The following PMM1 variants were observed in gnomAD, a reference collection of about 807,000 sequenced individuals.
PMM1 encodes the protein brain glucose-1,6-bisphosphatase.
PMM1 carries 25 observed loss-of-function variants against 34.0 expected under a neutral mutation model. That is an observed-to-expected ratio of 0.73 (90% CI 0.54 to 1.03). PMM1 has a LOEUF of 1.03. Ranked by LOEUF, PMM1 falls within the 50% of genes least tolerant of loss-of-function variation. The pLI is 0.00. For synonymous variants in PMM1, 134 were observed against 143.9 expected (o/e 0.93, Z 0.49); for missense variants, 321 against 350.1 (o/e 0.92, Z 0.66).
Position 41,576,948 on chromosome 22 carries a change from C to G in PMM1, c.*370G>C, listed in dbSNP as rs1318411644. ...GTGACAAAGTTCTCTAAAATAGGCA[C>G]CTTCCCCACCGTACCTCATCGCCCA... On this transcript the variant is annotated 3_prime_UTR_variant, in exon 8 of 8. Coordinates refer to ENST00000216259, the MANE Select transcript of PMM1 (RefSeq NM_002676.3). 1 of 341,428 alleles carries G rather than the reference C, an allele frequency of 2.9e-6. No individual in the cohort carries two copies. Among genetic ancestry groups the G allele is most frequent in the Non-Finnish European group, 5.6e-6 (1 of 177,074 alleles). The allele number at this position is 341,428 out of a possible 1,614,324, so 21.1% of individuals were successfully genotyped here. A position where few individuals can be genotyped will look rare whatever the true frequency, so the allele number is the denominator to read the frequency against.
At chr22:41,588,877 A>G (rs950647643) in intron 1 of PMM1, 1 of 981,518 alleles carries the variant, frequency 1.0e-6, no homozygotes, top group African/African-American at 1.7e-5. Flanking sequence ...AGGCCCCCAG[A>G]CTGGAGGGTG....
Position 41,577,208 on chromosome 22 carries a change from C to T in PMM1, c.*110G>A. 6.8e-7 allele frequency: 1 copy of T among 1,467,924 alleles called. No individual in the cohort carries two copies. The highest frequency in any genetic ancestry group is 9.4e-7 in the Non-Finnish European group (1 of 1,062,038). The allele number at this position is 1,467,924 out of a possible 1,614,324, so 90.9% of individuals were successfully genotyped here. ...TGGCCCCATCTGGGTGGGCTTGCAG[C>T]AGGCGTCCTGGGCCAGAGGAGGGGC... On this transcript the variant is annotated 3_prime_UTR_variant, in exon 8 of 8. Coordinates refer to ENST00000216259, the MANE Select transcript of PMM1 (RefSeq NM_002676.3).
chr22:41,584,564 G>T lies in PMM1; in HGVS notation c.245C>A (p.Thr82Lys). 6.2e-7 allele frequency: 1 copy of T among 1,613,888 alleles called. No individual in the cohort carries two copies. Among genetic ancestry groups the T allele is most frequent in the Non-Finnish European group, 8.5e-7 (1 of 1,179,878 alleles). Residue 82 changes from threonine (T) to lysine (K), a missense_variant, in exon 3 of 8, where the codon ACG becomes AAG. Coordinates refer to ENST00000216259, the MANE Select transcript of PMM1 (RefSeq NM_002676.3). ...KFDYVFAENG[T>K]VQYKHGRLLS... ...CAGTCGTCCGTGCTTATACTGCACCGTCCCGTTCTCGGCAAACACATAATC... is the reference window on the plus strand; with the variant it reads ...CAGTCGTCCGTGCTTATACTGCACCTTCCCGTTCTCGGCAAACACATAATC...
intron 2 of PMM1, 125 bp from the exon 3 acceptor site, chr22:41,584,728 C>A (rs2067288706): frequency 1.5e-6 from 1 of 668,260 alleles, no homozygotes. Flanking sequence ...TTTGTTCAAT[C>A]TGAGGCTACA....
chr22:41,587,813 C>T (rs1003662160), intron 1 of PMM1, among the ~76,000 whole-genome samples: 7 of 152,178 alleles, frequency 4.6e-5, no homozygotes, highest in African/African-American at 1.7e-4. Context: ...TCCCCAAGTG[C>T]GGTCAGAGTG....
chr22:41,584,442 C>T, intron 3 of PMM1, 70 bp from the exon 4 acceptor site: 1 of 1,566,666 alleles, frequency 6.4e-7, no homozygotes, highest in Non-Finnish European at 8.8e-7. Context: ...CAGTGTCTCT[C>T]CCCCAGCCCA....
chr22:41,583,245 C>T (rs755442471), intron 5 of PMM1, among the ~76,000 whole-genome samples: 1 of 151,978 alleles, frequency 6.6e-6, no homozygotes, highest in African/African-American at 2.4e-5. Context: ...TTTGGGAGGC[C>T]GAGGCAGGCG....
Position 41,576,953 on chromosome 22 carries a change from C to T in PMM1, c.*365G>A. ...AAAGTTCTCTAAAATAGGCACCTTC[C>T]CCACCGTACCTCATCGCCCAGGGCA... On this transcript the variant is annotated 3_prime_UTR_variant, in exon 8 of 8. Transcript: ENST00000216259. 2.9e-6 allele frequency: 1 copy of T among 345,014 alleles called. No individual in the cohort carries two copies. The highest frequency in any genetic ancestry group is 5.6e-6 in the Non-Finnish European group (1 of 179,380). The allele number at this position is 345,014 out of a possible 1,614,324, so 21.4% of individuals were successfully genotyped here.
chr22:41,587,812 G>A (rs899965374), intron 1 of PMM1, among the ~76,000 whole-genome samples: 1 of 152,198 alleles, frequency 6.6e-6, no homozygotes, highest in Non-Finnish European at 1.5e-5. Context: ...CTCCCCAAGT[G>A]CGGTCAGAGT....
intron 3 of PMM1, 54 bp from the exon 4 acceptor site, chr22:41,584,426 C>T: frequency 6.3e-7 from 1 of 1,584,066 alleles, no homozygotes; most frequent in Non-Finnish European, 8.7e-7. Context: ...GACCCTGAGA[C>T]AGGCACAGTG....
At chr22:41,589,368 G>C in intron 1 of PMM1, 2 of 449,332 alleles carry the variant, frequency 4.5e-6, no homozygotes, top group Admixed American at 6.7e-5. Flanking sequence ...ACTAGGGTGG[G>C]ATCCCCAGCT....
rs1253128705 is a variant in PMM1, at chr22:41,576,958, C to T, written c.*360G>A. The T allele has an allele frequency of 1.4e-5, 5 of 359,098 alleles. No homozygotes were observed. Among genetic ancestry groups the T allele is most frequent in the East Asian group, 6.8e-5 (1 of 14,650 alleles). 22.2% of individuals were successfully genotyped at this position (359,098 alleles called of 1,614,324 possible). On this transcript the variant is annotated 3_prime_UTR_variant, in exon 8 of 8. Coordinates refer to ENST00000216259, the MANE Select transcript of PMM1 (RefSeq NM_002676.3). ...TCTCTAAAATAGGCACCTTCCCCACCGTACCTCATCGCCCAGGGCAGGCAG... is the reference window on the plus strand; with the variant it reads ...TCTCTAAAATAGGCACCTTCCCCACTGTACCTCATCGCCCAGGGCAGGCAG...
In PMM1 at chr22:41,588,986, G is replaced by C. The variant is rs916588350; in HGVS notation, c.87+733C>G. 1.8e-5 allele frequency: 21 copies of C among 1,159,610 alleles called. No homozygotes were observed. In the African/African-American group the frequency reaches 2.2e-4, roughly 12 times the overall value. 71.8% of individuals were successfully genotyped at this position (1,159,610 alleles called of 1,614,324 possible). A position where few individuals can be genotyped will look rare whatever the true frequency, so the allele number is the denominator to read the frequency against. On this transcript the variant is annotated intron_variant, in intron 1 of 7. Coordinates refer to ENST00000216259, the MANE Select transcript of PMM1 (RefSeq NM_002676.3). ...TCACTCACAATGAGACCCAATGGGA[G>C]AAAAACTGAGCAGAGGTAAGAGGCT...
In PMM1 at chr22:41,578,797, T is replaced by C; in HGVS notation, c.550+9A>G. The C allele has an allele frequency of 6.2e-7, 1 of 1,612,460 alleles. No homozygotes were observed. The highest frequency in any genetic ancestry group is 8.5e-7 in the Non-Finnish European group (1 of 1,178,632). The stretch of plus-strand genomic sequence containing the variant: ...CAGGCCTCCCAGGTCCTCTGCAGGG[T>C]GGACGTACCTCGAGAGAACCTCAGC... On this transcript the variant is annotated intron_variant, in intron 6 of 7. Transcript: ENST00000216259.
chr22:41,585,992 C>T, intron 2 of PMM1, 84 bp downstream of exon 2: 2 of 997,768 alleles, frequency 2.0e-6, no homozygotes, highest in Non-Finnish European at 1.5e-6. Flanking sequence ...TTTCTTCTGC[C>T]CCACAGAAGC....
chr22:41,577,616 TG>T (rs1031070231), intron 7 of PMM1, 176 bp from the exon 8 acceptor site: 12 of 861,874 alleles, frequency 1.4e-5, no homozygotes, highest in African/African-American at 8.4e-5. Flanking sequence ...CCCAGCCTCT[TG>T]GGGCCCCAGC....
intron 1 of PMM1, 130 bp from the exon 2 acceptor site, chr22:41,586,323 G>C: frequency 6.6e-7 from 1 of 1,506,306 alleles, no homozygotes. Flanking sequence ...ACAAAGCTTA[G>C]ACACCAAAAA....
Position 41,579,165 on chromosome 22 carries a change from C to A in PMM1, c.475-284G>T, listed in dbSNP as rs1321653929. 1.5e-5 allele frequency: 6 copies of A among 410,202 alleles called. No homozygotes were observed. The South Asian group carries it at 1.6e-4, about 11-fold the overall frequency. 25.4% of individuals were successfully genotyped at this position (410,202 alleles called of 1,614,324 possible). On this transcript the variant is annotated intron_variant, in intron 5 of 7. Transcript: ENST00000216259. ...AGAGGAGAGACACGAGTAGGAAGGG[C>A]GAGGAGACGGGGCAATCTGGATCCC... is the stretch of plus-strand genomic sequence containing the variant.
At chr22:41,582,025 T>C (rs2067252423) in intron 5 of PMM1, among the ~76,000 whole-genome samples, 2 of 149,288 alleles carry the variant, frequency 1.3e-5, no homozygotes, top group African/African-American at 5.0e-5. Context: ...GTGCCTGTAG[T>C]CCCAGATACT....
Sources: allele counts gnomAD v4.1 joint callset (sites outside exome capture counted in the v4.1 genomes callset), GRCh38; gene constraint gnomAD v4.1.1; transcripts MANE v1.5; gene names NCBI Gene and HGNC (gene_info 2026-07-23, HGNC 2026-07-21).